The following PCDH15 variants were observed in gnomAD, a reference collection of about 807,000 sequenced individuals.
The protein encoded by PCDH15 is protocadherin-15.
A neutral mutation model predicts 178.5 loss-of-function variants in PCDH15; 129 were observed. The observed-to-expected ratio is 0.72, with a 90% CI of 0.63 to 0.84. The LOEUF is 0.84. Ranked by LOEUF, PCDH15 falls within the 40% of genes least tolerant of loss-of-function variation. The pLI is 0.00. For synonymous variants in PCDH15, 800 were observed against 732.0 expected (o/e 1.09, Z -1.50); for missense variants, 2,230 against 2,099.9 (o/e 1.06, Z -1.21).
intron 2 of PCDH15, among the ~76,000 whole-genome samples, chr10:55,465,197 G>C (rs984706685): frequency 6.6e-6 from 1 of 152,180 alleles, no homozygotes; most frequent in African/African-American, 2.4e-5. Context: ...GAAATCTGCA[G>C]GGTAGGCTAA....
intron 1 of PCDH15, among the ~76,000 whole-genome samples, chr10:55,295,677 T>G (rs1397045296): frequency 6.6e-6 from 1 of 152,190 alleles, no homozygotes; most frequent in African/African-American, 2.4e-5. Flanking sequence ...CCATAGAATA[T>G]TATTTGAGGT....
intron 1 of PCDH15, among the ~76,000 whole-genome samples, chr10:55,191,263 A>G (rs1434686660): frequency 6.6e-6 from 1 of 151,662 alleles, no homozygotes; most frequent in Non-Finnish European, 1.5e-5. Flanking sequence ...ACTCAGCATG[A>G]CTAGGATCAC....
At chr10:53,889,884 A>G (rs1037172041) in intron 26 of PCDH15, among the ~76,000 whole-genome samples, 1 of 152,236 alleles carries the variant, frequency 6.6e-6, no homozygotes, top group Non-Finnish European at 1.5e-5. Context: ...TAAACAAAAA[A>G]TACAATTTTC....
chr10:54,614,348 T>A (rs2134295939), intron 2 of PCDH15, among the ~76,000 whole-genome samples: 1 of 152,086 alleles, frequency 6.6e-6, no homozygotes, highest in South Asian at 2.1e-4. Flanking sequence ...TTCCAAGAAA[T>A]TTTAAAACAA....
intron 1 of PCDH15, among the ~76,000 whole-genome samples, chr10:54,675,023 A>G (rs2094757064): frequency 6.6e-6 from 1 of 152,110 alleles, no homozygotes; most frequent in African/African-American, 2.4e-5. Context: ...TTTATAGTGT[A>G]TCCTGGCATT....
At chr10:54,467,601 G>GTTTTTTTTTTTTTA (rs2077610325) in intron 3 of PCDH15, among the ~76,000 whole-genome samples, 1 of 45,670 alleles carries the variant, frequency 2.2e-5, no homozygotes, top group African/African-American at 9.1e-5. Context: ...TCAAGCTGTA[G>GTTTTTTTTTTTTTA]TTTTTTTTTT....
At chr10:53,810,509 T>A in intron 37 of PCDH15, 47 bp downstream of exon 37, 1 of 1,549,738 alleles carries the variant, frequency 6.5e-7, no homozygotes, top group Non-Finnish European at 8.9e-7. Context: ...GGTTAAACAA[T>A]ATTTTTCTTG....
chr10:54,284,233 A>G (rs2058892217), intron 8 of PCDH15, among the ~76,000 whole-genome samples: 1 of 152,224 alleles, frequency 6.6e-6, no homozygotes, highest in Non-Finnish European at 1.5e-5. Flanking sequence ...GGATGTAGGT[A>G]TGTATCTACG....
At chr10:53,924,751 C>T (rs893723313) in intron 25 of PCDH15, among the ~76,000 whole-genome samples, 10 of 152,222 alleles carry the variant, frequency 6.6e-5, no homozygotes, top group African/African-American at 2.2e-4. Flanking sequence ...AATCAACACT[C>T]TGTATCTACC....
chr10:55,465,945 A>T (rs545135342), intron 2 of PCDH15, among the ~76,000 whole-genome samples: 3 of 152,238 alleles, frequency 2.0e-5, no homozygotes, highest in African/African-American at 7.2e-5. Context: ...AGGGGAAAAA[A>T]CTTGTCACTG....
chr10:55,512,401 A>C (rs535694658), intron 2 of PCDH15, among the ~76,000 whole-genome samples: 4 of 152,172 alleles, frequency 2.6e-5, no homozygotes, highest in Non-Finnish European at 5.9e-5. Context: ...ACTTCCACAC[A>C]GTGTTTTTAG....
intron 2 of PCDH15, among the ~76,000 whole-genome samples, chr10:55,410,405 C>A (rs1034372326): frequency 6.6e-6 from 1 of 152,028 alleles, no homozygotes; most frequent in Non-Finnish European, 1.5e-5. Context: ...ACCACATAAT[C>A]TGATATCATA....
intron 2 of PCDH15, among the ~76,000 whole-genome samples, chr10:54,899,332 T>C (rs1469273787): frequency 6.6e-6 from 1 of 152,084 alleles, no homozygotes; most frequent in Non-Finnish European, 1.5e-5. Flanking sequence ...CAAAAGCAAA[T>C]ATCTATTTAA....
intron 2 of PCDH15, among the ~76,000 whole-genome samples, chr10:55,037,909 G>A (rs144257787): frequency 2.0e-4 from 30 of 152,146 alleles, no homozygotes; most frequent in Non-Finnish European, 2.8e-4. Flanking sequence ...GATACCTAGC[G>A]CATATGACTT....
At chr10:54,138,948 C>CATAAA (rs139959048) in intron 14 of PCDH15, among the ~76,000 whole-genome samples, 2,340 of 152,006 alleles carry the variant, frequency 0.015, 75 homozygotes, top group African/African-American at 0.054. Flanking sequence ...AAAGAATACA[C>CATAAA]ATAAGTAAGC....
chr10:54,759,378 A>T (rs1417747487), intron 1 of PCDH15, among the ~76,000 whole-genome samples: 5 of 152,212 alleles, frequency 3.3e-5, no homozygotes, highest in Non-Finnish European at 5.9e-5. Flanking sequence ...GAACAATTTA[A>T]TAGATTTAAA....
chr10:54,593,223 C>T (rs1189149422), intron 2 of PCDH15, among the ~76,000 whole-genome samples: 1 of 152,076 alleles, frequency 6.6e-6, no homozygotes, highest in Non-Finnish European at 1.5e-5. Context: ...TGCTTTTGCT[C>T]TCATATCCAA....
At chr10:54,782,318 A>C (rs1950442795) in intron 1 of PCDH15, among the ~76,000 whole-genome samples, 1 of 152,146 alleles carries the variant, frequency 6.6e-6, no homozygotes, top group Non-Finnish European at 1.5e-5. Flanking sequence ...TGGTTCACTT[A>C]AAACTCTGTG....
intron 3 of PCDH15, among the ~76,000 whole-genome samples, chr10:54,828,981 T>C (rs1953178742): frequency 6.6e-6 from 1 of 151,942 alleles, no homozygotes; most frequent in Non-Finnish European, 1.5e-5. Context: ...GGAAAGATTC[T>C]GAAAGACGTG....
Sources: allele counts gnomAD v4.1 joint callset (sites outside exome capture counted in the v4.1 genomes callset), GRCh38; gene constraint gnomAD v4.1.1; transcripts MANE v1.5; gene names NCBI Gene and HGNC (gene_info 2026-07-23, HGNC 2026-07-21).